The following GNPAT variants were observed in gnomAD, a reference collection of about 807,000 sequenced individuals.
The protein encoded by GNPAT is dihydroxyacetone phosphate acyltransferase.
Under a neutral mutation model 78.4 loss-of-function variants are expected in GNPAT, and 30 were observed. That is an observed-to-expected ratio of 0.38 (90% confidence interval 0.29 to 0.52). GNPAT has a LOEUF of 0.52. Ranked by LOEUF, GNPAT falls within the 20% of genes least tolerant of loss-of-function variation. The probability of loss-of-function intolerance (pLI) is 0.84; values close to 1 mark genes in which losing one functional copy is unlikely to be tolerated. For missense variants in GNPAT, 714 were observed against 812.2 expected (o/e 0.88, Z 1.47); for synonymous variants, 271 against 281.1 (o/e 0.96, Z 0.36).
Position 231,276,130 on chromosome 1 carries a change from C to T in GNPAT, c.1938-5C>T. ...GTAATAATAAAGCTTATTATTTTCT[C>T]CTAGAAATAATAACTGTATATTTAA... is the stretch of plus-strand genomic sequence containing the variant. On this transcript the variant is annotated splice_polypyrimidine_tract_variant and splice_region_variant and intron_variant, in intron 14 of 15. Coordinates refer to ENST00000366647, the MANE Select transcript of GNPAT (RefSeq NM_014236.4). 1 of 1,156,818 alleles carries T rather than the reference C, an allele frequency of 8.6e-7. No individual in the cohort carries two copies. The highest frequency in any genetic ancestry group is 1.3e-6 in the Non-Finnish European group (1 of 767,604). 71.7% of individuals were successfully genotyped at this position (1,156,818 alleles called of 1,614,324 possible). A position where few individuals can be genotyped will look rare whatever the true frequency, so the allele number is the denominator to read the frequency against.
At chr1:231,265,920 G>A (rs1685369917) in intron 6 of GNPAT, 94 bp from the exon 7 acceptor site, 13 of 1,109,222 alleles carry the variant, frequency 1.2e-5, no homozygotes, top group Admixed American at 5.1e-5. Context: ...CGGGATTAGT[G>A]TATAATGTAT....
chr1:231,248,696 G>A (rs1684815138), intron 1 of GNPAT, among the ~76,000 whole-genome samples: 1 of 152,148 alleles, frequency 6.6e-6, no homozygotes, highest in African/African-American at 2.4e-5. Context: ...GTCACATGAT[G>A]CATAACAACG....
At position 231,265,686 on chromosome 1, in the gene GNPAT, GTGTTTTGTT is replaced by G. The variant is rs1476356547; in HGVS notation, c.697-19_697-11del. 7.1e-7 allele frequency: 1 copy of G among 1,400,518 alleles called. No individual in the cohort carries two copies. Among genetic ancestry groups the G allele is most frequent in the Admixed American group, 1.7e-5 (1 of 59,744 alleles). The allele number at this position is 1,400,518 out of a possible 1,614,324, so 86.8% of individuals were successfully genotyped here. A position where few individuals can be genotyped will look rare whatever the true frequency, so the allele number is the denominator to read the frequency against. The stretch of plus-strand genomic sequence containing the variant: ...ATTTTGAGAGTAGGCAATGGGTTTT[GTGTTTTGTT>G]TGTTTTCTCTTTAAAGAATGGTTAT... On this transcript the variant is annotated splice_polypyrimidine_tract_variant and intron_variant, in intron 5 of 15. Coordinates refer to ENST00000366647, the MANE Select transcript of GNPAT (RefSeq NM_014236.4).
intron 2 of GNPAT, among the ~76,000 whole-genome samples, chr1:231,256,479 CTTTTT>C (rs10693276): frequency 7.2e-4 from 55 of 75,916 alleles, no homozygotes; most frequent in African/African-American, 2.2e-3. Flanking sequence ...CTAATTTTCT[CTTTTT>C]TTTTTTTTTT....
At chr1:231,245,918 G>T (rs78116087) in intron 1 of GNPAT, among the ~76,000 whole-genome samples, 2 of 151,882 alleles carry the variant, frequency 1.3e-5, no homozygotes, top group African/African-American at 2.4e-5. Context: ...GCAGTGAGCC[G>T]AGATTGCGCC....
At chr1:231,247,220 G>A (rs1007070340) in intron 1 of GNPAT, among the ~76,000 whole-genome samples, 5 of 151,700 alleles carry the variant, frequency 3.3e-5, no homozygotes, top group Admixed American at 6.6e-5. Flanking sequence ...GGGGAGATTT[G>A]AGCCTTATAC....
chr1:231,254,909 G>C (rs1452597656), intron 2 of GNPAT, among the ~76,000 whole-genome samples: 1 of 151,744 alleles, frequency 6.6e-6, no homozygotes, highest in Non-Finnish European at 1.5e-5. Flanking sequence ...CCACCACTGC[G>C]CCTGGCTAAT....
At chr1:231,263,708 C>T (rs549506789) in intron 4 of GNPAT, among the ~76,000 whole-genome samples, 2 of 152,130 alleles carry the variant, frequency 1.3e-5, no homozygotes, top group African/African-American at 2.4e-5. Context: ...TACATTCCCA[C>T]CAAAAGTGCA....
At chr1:231,272,453 T>G in intron 11 of GNPAT, 62 bp downstream of exon 11, 1 of 896,422 alleles carries the variant, frequency 1.1e-6, no homozygotes, top group Non-Finnish European at 1.9e-6. Context: ...ATGTTAGGGG[T>G]GAATTCACAG....
intron 2 of GNPAT, among the ~76,000 whole-genome samples, chr1:231,256,953 A>G (rs1217358432): frequency 1.3e-5 from 2 of 152,208 alleles, no homozygotes; most frequent in African/African-American, 4.8e-5. Flanking sequence ...TCAAGTTTAT[A>G]ATGTGGAGAA....
At chr1:231,275,146 A>G (rs778873975) in intron 12 of GNPAT, 75 bp from the exon 13 acceptor site, 81 of 849,258 alleles carry the variant, frequency 9.5e-5, no homozygotes, top group Non-Finnish European at 1.5e-4. Flanking sequence ...GGCAATGTAA[A>G]GTTATTTACT....
Position 231,271,011 on chromosome 1 carries a change from G to T in GNPAT, c.1522+11G>T. The stretch of plus-strand genomic sequence containing the variant: ...CAGGGTTCAGGAAAGGTAATTTTCA[G>T]GAATGCAATCTTGACTTTTAGAAGA... On this transcript the variant is annotated intron_variant, in intron 10 of 15. Transcript: ENST00000366647. 6.2e-7 allele frequency: 1 copy of T among 1,614,030 alleles called. No homozygotes were observed. Among genetic ancestry groups the T allele is most frequent in the South Asian group, 1.1e-5 (1 of 91,078 alleles).
intron 1 of GNPAT, among the ~76,000 whole-genome samples, chr1:231,244,588 G>A (rs1233154422): frequency 1.3e-5 from 2 of 152,184 alleles, no homozygotes; most frequent in African/African-American, 4.8e-5. Context: ...AGTTTGGGGT[G>A]TGTTCAGTTT....
At chr1:231,241,800 G>A (rs906205527) in intron 1 of GNPAT, among the ~76,000 whole-genome samples, 3 of 152,250 alleles carry the variant, frequency 2.0e-5, no homozygotes, top group African/African-American at 4.8e-5. Context: ...GGCATGTCGA[G>A]CTACCTTTTG....
chr1:231,276,187 G>T lies in GNPAT; in HGVS notation c.1990G>T (p.Glu664Ter), dbSNP rs1216083870. Residue 664 changes from glutamate to a stop codon, truncating the protein, a stop_gained, in exon 15 of 16, where the codon GAA becomes TAA. Transcript: ENST00000366647. LOFTEE classifies it high-confidence loss of function. ...TGAACCTGCCACAACCAAATTAGAA[G>T]AAATGCTTGGTAAGTGCAGTTTAAT... ...VNEPATTKLEEMLGCKTPIGK... is the reference protein window; with the variant it reads ...VNEPATTKLE 2 of 1,431,644 alleles carry T rather than the reference G, an allele frequency of 1.4e-6. No homozygotes were observed. The highest frequency in any genetic ancestry group is 2.0e-6 in the Non-Finnish European group (2 of 1,015,302). 88.7% of individuals were successfully genotyped at this position (1,431,644 alleles called of 1,614,324 possible). A position where few individuals can be genotyped will look rare whatever the true frequency, so the allele number is the denominator to read the frequency against.
chr1:231,272,723 C>T (rs1030964833), intron 11 of GNPAT, among the ~76,000 whole-genome samples: 2 of 152,202 alleles, frequency 1.3e-5, no homozygotes, highest in Non-Finnish European at 2.9e-5. Context: ...GTAATCCCAG[C>T]ACTTTGGGAG....
At chr1:231,247,256 A>T (rs988790445) in intron 1 of GNPAT, among the ~76,000 whole-genome samples, 1 of 152,102 alleles carries the variant, frequency 6.6e-6, no homozygotes, top group African/African-American at 2.4e-5. Flanking sequence ...GCCATCATCG[A>T]TAGGGTTCAA....
chr1:231,271,870 T>G (rs971142067), intron 10 of GNPAT, among the ~76,000 whole-genome samples: 1 of 152,040 alleles, frequency 6.6e-6, no homozygotes, highest in Non-Finnish European at 1.5e-5. Flanking sequence ...TGGTAGGCCG[T>G]GGTAGGAGGA....
intron 4 of GNPAT, 90 bp downstream of exon 4, chr1:231,262,942 T>C: frequency 1.0e-6 from 1 of 965,260 alleles, no homozygotes; most frequent in Non-Finnish European, 1.6e-6. Flanking sequence ...AAGATGATGA[T>C]GAAAATAGCC....
Sources: allele counts gnomAD v4.1 joint callset (sites outside exome capture counted in the v4.1 genomes callset), GRCh38; gene constraint gnomAD v4.1.1; transcripts MANE v1.5; gene names NCBI Gene and HGNC (gene_info 2026-07-23, HGNC 2026-07-21).